DGKB: variants seen among roughly 807,000 people sequenced by gnomAD.
DGKB encodes 90 kDa diacylglycerol kinase.
A neutral mutation model predicts 114.3 loss-of-function variants in DGKB; 67 were observed. The observed-to-expected ratio is 0.59, with a 90% CI of 0.48 to 0.72. The LOEUF (loss-of-function observed/expected upper bound fraction) is 0.72. DGKB is among the 30% of genes least tolerant of loss of function. The pLI is 0.00. For synonymous variants in DGKB, 398 were observed against 323.1 expected (o/e 1.23, Z -2.49); for missense variants, 907 against 975.2 (o/e 0.93, Z 0.93).
chr7:14,630,337 C>T (rs1450963214), intron 13 of DGKB, 69 bp from the exon 14 acceptor site: 9 of 1,215,046 alleles, frequency 7.4e-6, no homozygotes, highest in East Asian at 2.7e-5. Context: ...AGTGAAGTTT[C>T]TCATATCATT....
At chr7:14,247,830 G>C (rs1291465525) in intron 23 of DGKB, among the ~76,000 whole-genome samples, 1 of 151,848 alleles carries the variant, frequency 6.6e-6, no homozygotes, top group Non-Finnish European at 1.5e-5. Context: ...TTCTTTTGCT[G>C]TGCAGAGATT....
At chr7:14,658,517 T>C (rs1041721360) in intron 13 of DGKB, among the ~76,000 whole-genome samples, 5 of 151,660 alleles carry the variant, frequency 3.3e-5, no homozygotes, top group Non-Finnish European at 5.9e-5. Context: ...AATAGTAGAG[T>C]AGAATGACGA....
At chr7:14,874,574 T>C (rs1852976965) in intron 1 of DGKB, among the ~76,000 whole-genome samples, 1 of 152,010 alleles carries the variant, frequency 6.6e-6, no homozygotes, top group South Asian at 2.1e-4. Flanking sequence ...TCTTTTTCTA[T>C]ATATAGAAGG....
At chr7:14,464,529 G>C (rs1439041857) in intron 21 of DGKB, among the ~76,000 whole-genome samples, 1 of 152,192 alleles carries the variant, frequency 6.6e-6, no homozygotes, top group Non-Finnish European at 1.5e-5. Context: ...CAGTAAGTAA[G>C]AAGAGTGCAT....
At chr7:14,389,686 G>A (rs1432045708) in intron 21 of DGKB, among the ~76,000 whole-genome samples, 1 of 152,192 alleles carries the variant, frequency 6.6e-6, no homozygotes, top group Non-Finnish European at 1.5e-5. Flanking sequence ...TTGTTTGGTC[G>A]ATTCTGGCAG....
At chr7:14,652,983 A>G (rs1487983283) in intron 13 of DGKB, among the ~76,000 whole-genome samples, 10 of 151,988 alleles carry the variant, frequency 6.6e-5, no homozygotes, top group African/African-American at 2.2e-4. Flanking sequence ...TAGAATGGCA[A>G]TCATTAAAAA....
chr7:14,544,762 A>G (rs1584714785), intron 20 of DGKB, among the ~76,000 whole-genome samples: 1 of 152,138 alleles, frequency 6.6e-6, no homozygotes, highest in East Asian at 1.9e-4. Flanking sequence ...TTTTGACAGG[A>G]AAAGTCTTCT....
At chr7:14,469,569 G>C (rs1451764789) in intron 21 of DGKB, among the ~76,000 whole-genome samples, 1 of 151,884 alleles carries the variant, frequency 6.6e-6, no homozygotes, top group African/African-American at 2.4e-5. Context: ...AAACAGCCTG[G>C]ATACAGAAGT....
At chr7:14,588,993 G>A (rs567825239) in intron 17 of DGKB, among the ~76,000 whole-genome samples, 14 of 151,982 alleles carry the variant, frequency 9.2e-5, no homozygotes, top group African/African-American at 2.7e-4. Flanking sequence ...AATAACACAC[G>A]TATAATATGA....
chr7:14,848,958 C>T (rs1848994994), intron 1 of DGKB, among the ~76,000 whole-genome samples: 1 of 151,944 alleles, frequency 6.6e-6, no homozygotes, highest in African/African-American at 2.4e-5. Context: ...TTGCCCAATT[C>T]TGCTTGCTTT....
intron 23 of DGKB, among the ~76,000 whole-genome samples, chr7:14,244,270 A>C (rs1794098550): frequency 6.6e-6 from 1 of 152,158 alleles, no homozygotes; most frequent in African/African-American, 2.4e-5. Flanking sequence ...TTATTCTTTC[A>C]TAAGAGCCTT....
intron 8 of DGKB, among the ~76,000 whole-genome samples, chr7:14,695,357 C>T (rs537869675): frequency 6.6e-6 from 1 of 151,978 alleles, no homozygotes; most frequent in African/African-American, 2.4e-5. Flanking sequence ...TGTCTCAAAT[C>T]CCATGGGCCT....
chr7:14,538,476 A>G (rs370312103), intron 20 of DGKB, among the ~76,000 whole-genome samples: 10 of 152,132 alleles, frequency 6.6e-5, no homozygotes, highest in African/African-American at 2.2e-4. Context: ...ACCCAAAAAC[A>G]TAAGATAATA....
At chr7:14,586,577 G>A (rs1294355489) in intron 17 of DGKB, among the ~76,000 whole-genome samples, 1 of 152,130 alleles carries the variant, frequency 6.6e-6, no homozygotes, top group South Asian at 2.1e-4. Context: ...GGAAGAAGAT[G>A]CCATCTAGCA....
At chr7:14,641,898 C>A (rs143028200) in intron 13 of DGKB, among the ~76,000 whole-genome samples, 200 of 152,182 alleles carry the variant, frequency 1.3e-3, no homozygotes, top group African/African-American at 4.6e-3. Context: ...AAATTGCATG[C>A]AAATTGCACC....
At chr7:14,737,237 C>A (rs1831852896) in intron 4 of DGKB, among the ~76,000 whole-genome samples, 1 of 146,470 alleles carries the variant, frequency 6.8e-6, no homozygotes, top group South Asian at 2.2e-4. Flanking sequence ...ATGTCCAGAT[C>A]AAGAGAGTGC....
intron 24 of DGKB, among the ~76,000 whole-genome samples, chr7:14,177,762 A>C (rs1355403570): frequency 2.0e-5 from 3 of 152,130 alleles, no homozygotes; most frequent in African/African-American, 7.2e-5. Context: ...ATGAGTATAA[A>C]TCATAAAATT....
intron 21 of DGKB, among the ~76,000 whole-genome samples, chr7:14,398,925 C>A (rs566798605): frequency 6.6e-6 from 1 of 151,958 alleles, no homozygotes; most frequent in East Asian, 1.9e-4. Context: ...CTAGGGGCTG[C>A]TCGAATGCAA....
intron 20 of DGKB, among the ~76,000 whole-genome samples, chr7:14,500,192 C>G (rs764647949): frequency 3.5e-4 from 53 of 151,572 alleles, no homozygotes; most frequent in Non-Finnish European, 6.6e-4. Flanking sequence ...AAACAATATC[C>G]TCCTTTTCTC....
Sources: gnomAD v4.1 joint callset for allele counts (sites outside exome capture counted in the v4.1 genomes callset) on GRCh38, gnomAD v4.1.1 for gene constraint, MANE v1.5 for transcripts, NCBI Gene and HGNC (gene_info 2026-07-23, HGNC 2026-07-21) for gene names.